Variants in CSMD1 observed in about 807,000 individuals in gnomAD.
The protein encoded by CSMD1 is CUB and sushi domain-containing protein 1.
In CSMD1, 213 loss-of-function variants were observed where a neutral mutation model predicts 417.5. The observed-to-expected ratio is 0.51, with a 90% CI of 0.46 to 0.57. The LOEUF (loss-of-function observed/expected upper bound fraction) is 0.57, where lower values mean the gene tolerates loss of function less well. Ranked by LOEUF, CSMD1 falls within the 20% of genes least tolerant of loss-of-function variation. The probability of loss-of-function intolerance (pLI) is 0.00; values close to 1 mark genes in which losing one functional copy is unlikely to be tolerated. For synonymous variants in CSMD1, 2,862 were observed against 1,736.8 expected, an observed-to-expected ratio of 1.65 and a Z score of -16.11; for missense variants, 6,923 against 4,529.7, an observed-to-expected ratio of 1.53 and a Z score of -15.17.
At chr8:4,805,828 G>A (rs576502402) in intron 1 of CSMD1, among the ~76,000 whole-genome samples, 2 of 152,120 alleles carry the variant, frequency 1.3e-5, no homozygotes, top group African/African-American at 2.4e-5. Context: ...TGGAAAACTC[G>A]AAAGTGGAAG....
chr8:3,850,045 C>G (rs1803789797), intron 5 of CSMD1, among the ~76,000 whole-genome samples: 1 of 152,152 alleles, frequency 6.6e-6, no homozygotes, highest in African/African-American at 2.4e-5. Context: ...ATCCACCAGC[C>G]TCAGCCTCTC....
rs547788403 is a variant in CSMD1 at position 4,152,490 on chromosome 8, A to C, written c.416-120391T>G. On this transcript the variant is annotated intron_variant, in intron 3 of 69. Coordinates refer to ENST00000635120, the MANE Select transcript of CSMD1 (RefSeq NM_033225.6). The stretch of plus-strand genomic sequence containing the variant: ...AGCAGTTTGGGCCAAGGAGTATGGA[A>C]AACACTGCAAAGCCCTGTCTCTACA... Among the ~76,000 whole-genome samples, 59 of 151,626 alleles carry C rather than the reference A, an allele frequency of 3.9e-4. 1 individual carries two copies. Among genetic ancestry groups the C allele is most frequent in the Admixed American group, 7.2e-4 (11 of 15,188 alleles).
intron 2 of CSMD1, among the ~76,000 whole-genome samples, chr8:4,501,061 C>CA (rs968438732): frequency 6.6e-6 from 1 of 151,190 alleles, no homozygotes; most frequent in African/African-American, 2.4e-5. Context: ...GACAGTGGGC[C>CA]AAAAAAGATA....
At chr8:3,885,595 G>A (rs1387866238) in intron 5 of CSMD1, among the ~76,000 whole-genome samples, 2 of 152,134 alleles carry the variant, frequency 1.3e-5, no homozygotes, top group African/African-American at 2.4e-5. Context: ...TCCAACATCA[G>A]AATCGGCTAT....
intron 10 of CSMD1, among the ~76,000 whole-genome samples, chr8:3,519,705 G>A (rs1347755763): frequency 1.3e-5 from 2 of 152,100 alleles, no homozygotes; most frequent in African/African-American, 4.8e-5. Context: ...TGAATAAAGT[G>A]GTGCACGCTA....
At chr8:3,765,545 C>G (rs928928694) in intron 5 of CSMD1, among the ~76,000 whole-genome samples, 1 of 152,212 alleles carries the variant, frequency 6.6e-6, no homozygotes, top group Non-Finnish European at 1.5e-5. Context: ...TTGTAGTATT[C>G]TGTATGCACT....
intron 1 of CSMD1, among the ~76,000 whole-genome samples, chr8:4,709,731 C>T (rs578234205): frequency 1.6e-4 from 25 of 152,282 alleles, no homozygotes; most frequent in Middle Eastern, 3.4e-3. Flanking sequence ...AGCAGGAAGG[C>T]TGGGTGCAGG....
At chr8:4,882,484 G>C (rs1481802941) in intron 1 of CSMD1, among the ~76,000 whole-genome samples, 1 of 151,742 alleles carries the variant, frequency 6.6e-6, no homozygotes, top group African/African-American at 2.4e-5. Flanking sequence ...TGTTGCTTTA[G>C]CTTCTTCCTG....
At chr8:4,580,811 A>C (rs1799378358) in intron 2 of CSMD1, among the ~76,000 whole-genome samples, 1 of 152,236 alleles carries the variant, frequency 6.6e-6, no homozygotes. Context: ...CCTATCTTAA[A>C]AAGTTGTATC....
chr8:3,036,176 G>A lies in CSMD1; in HGVS notation c.7661-6663C>T, dbSNP rs528561632. Among the ~76,000 whole-genome samples the A allele has an allele frequency of 3.7e-4, 56 of 152,254 alleles. No homozygotes were observed. The South Asian group carries it at 0.011, about 30-fold the overall frequency. ...AGAAATATCAGCCTTTAATTTGGCC[G>A]TGAGTAATTCTGATTTATTATAGAC... On this transcript the variant is annotated intron_variant, in intron 50 of 69. Transcript: ENST00000635120.
Position 3,635,512 on chromosome 8 carries a change from C to T in CSMD1, c.1010-18715G>A, listed in dbSNP as rs1369573353. Among the ~76,000 whole-genome samples the T allele has an allele frequency of 4.5e-4, 60 of 133,128 alleles. 1 individual carries two copies. Among genetic ancestry groups the T allele is most frequent in the Non-Finnish European group, 1.6e-5 (1 of 63,226 alleles). The allele number at this position is 133,128 out of a possible 152,430, so 87.3% of individuals were successfully genotyped here. ...TTTTTTTTTTTTTTTGAGACAGAAACTCGCTCTGTCACCCAGGCTGGAGTG... is the reference window on the plus strand; with the variant it reads ...TTTTTTTTTTTTTTTGAGACAGAAATTCGCTCTGTCACCCAGGCTGGAGTG... On this transcript the variant is annotated intron_variant, in intron 7 of 69. Coordinates refer to ENST00000635120, the MANE Select transcript of CSMD1 (RefSeq NM_033225.6).
At chr8:4,440,990 CTA>C (rs991979723) in intron 2 of CSMD1, among the ~76,000 whole-genome samples, 53 of 134,228 alleles carry the variant, frequency 3.9e-4, no homozygotes, top group Non-Finnish European at 6.2e-4. Context: ...CAGTGAGACT[CTA>C]TCTCAAAAAA....
At chr8:4,101,350 T>A (rs1801295900) in intron 3 of CSMD1, among the ~76,000 whole-genome samples, 1 of 152,136 alleles carries the variant, frequency 6.6e-6, no homozygotes, top group African/African-American at 2.4e-5. Flanking sequence ...TGGGCAGCCC[T>A]AACCAATACC....
At chr8:4,298,434 G>A (rs1240615247) in intron 3 of CSMD1, among the ~76,000 whole-genome samples, 1 of 152,054 alleles carries the variant, frequency 6.6e-6, no homozygotes, top group Admixed American at 6.5e-5. Flanking sequence ...ATACAAAGTT[G>A]TGAATAATTC....
chr8:4,029,494 C>G (rs1272538685), intron 4 of CSMD1, among the ~76,000 whole-genome samples: 3 of 152,124 alleles, frequency 2.0e-5, no homozygotes, highest in East Asian at 1.9e-4. Context: ...ACCATCAGAT[C>G]TTGAGAGACT....
intron 39 of CSMD1, 39 bp downstream of exon 39, chr8:3,157,858 G>A (rs1265087767): frequency 2.8e-5 from 42 of 1,488,336 alleles, no homozygotes; most frequent in Non-Finnish European, 3.9e-5. Flanking sequence ...TCTTCCCAGT[G>A]TGTGCGCAGC....
At chr8:4,133,210 A>G (rs897326667) in intron 3 of CSMD1, among the ~76,000 whole-genome samples, 4 of 152,166 alleles carry the variant, frequency 2.6e-5, no homozygotes, top group African/African-American at 9.7e-5. Flanking sequence ...TGCTGGGATT[A>G]CAGACATGAG....
chr8:3,259,795 A>G (rs1488866095), intron 26 of CSMD1, among the ~76,000 whole-genome samples: 2 of 152,222 alleles, frequency 1.3e-5, no homozygotes, highest in Non-Finnish European at 2.9e-5. Flanking sequence ...AATCTGGCCC[A>G]TCAGCTAGTA....
At chr8:4,814,204 G>C (rs1228112103) in intron 1 of CSMD1, among the ~76,000 whole-genome samples, 1 of 150,890 alleles carries the variant, frequency 6.6e-6, no homozygotes, top group Non-Finnish European at 1.5e-5. Flanking sequence ...TTTTGTGTGT[G>C]TGTGTGTGTG....
Sources: gnomAD v4.1 joint callset for allele counts (sites outside exome capture counted in the v4.1 genomes callset) on GRCh38, gnomAD v4.1.1 for gene constraint, MANE v1.5 for transcripts, NCBI Gene and HGNC (gene_info 2026-07-23, HGNC 2026-07-21) for gene names.